Variants in CERS3 observed in about 807,000 individuals in gnomAD.
CERS3 encodes LAG1 homolog, ceramide synthase 3.
A neutral mutation model predicts 50.3 loss-of-function variants in CERS3; 33 were observed. The ratio of observed to expected loss-of-function variants is 0.66; its 90% CI spans 0.50 to 0.88. CERS3 has a LOEUF of 0.88. Ranked by LOEUF, CERS3 falls within the 40% of genes least tolerant of loss-of-function variation. The pLI is 0.00. For missense variants in CERS3, 470 were observed against 460.3 expected, an observed-to-expected ratio of 1.02 and a Z score of -0.19; for synonymous variants, 176 against 155.2, an observed-to-expected ratio of 1.13 and a Z score of -0.99.
rs2033740723 is a variant in CERS3, at chr15:100,442,816, GCCA to G, written c.999+13074_999+13076del. On this transcript the variant is annotated intron_variant, in intron 11 of 11. Transcript: ENST00000679737. ...CCTAGACCATCACGGACGCCGAGCT[GCCA>G]GTAACTCTCACAGTGGAAGGTAAGC... Among the ~76,000 whole-genome samples the G allele has an allele frequency of 3.3e-5, 5 of 150,628 alleles. No individual in the cohort carries two copies. In the East Asian group the frequency reaches 8.0e-4, roughly 24 times the overall value.
chr15:100,509,480 CA>C (rs2036276663), intron 2 of CERS3, among the ~76,000 whole-genome samples: 1 of 152,172 alleles, frequency 6.6e-6, no homozygotes, highest in Non-Finnish European at 1.5e-5. Context: ...ACTATCTCTA[CA>C]GAACAGAAGG....
chr15:100,468,794 A>G (rs576994503), intron 10 of CERS3, among the ~76,000 whole-genome samples: 2 of 152,326 alleles, frequency 1.3e-5, no homozygotes, highest in African/African-American at 4.8e-5. Flanking sequence ...TGGCTAAACA[A>G]AATCAACAGA....
chr15:100,413,956 C>A lies in CERS3; in HGVS notation c.1000-11091G>T, dbSNP rs541709633. Among the ~76,000 whole-genome samples, 9 of 152,088 alleles carry A rather than the reference C, an allele frequency of 5.9e-5. No individual in the cohort carries two copies. In the South Asian group the frequency reaches 1.2e-3, roughly 21 times the overall value. On this transcript the variant is annotated intron_variant, in intron 11 of 11. Coordinates refer to ENST00000679737, the MANE Select transcript of CERS3 (RefSeq NM_001378789.1). ...TTGAAATAGTAATAGTAATAAAACA[C>A]CTGCCAACCAGAAAAATACCTGGAA...
At chr15:100,489,497 C>T (rs190465271) in intron 4 of CERS3, among the ~76,000 whole-genome samples, 1 of 152,182 alleles carries the variant, frequency 6.6e-6, no homozygotes, top group East Asian at 1.9e-4. Flanking sequence ...TGACTAGAAG[C>T]TCTTAGCAAT....
chr15:100,425,110 C>G (rs1244449643), intron 11 of CERS3, among the ~76,000 whole-genome samples: 5 of 152,200 alleles, frequency 3.3e-5, no homozygotes, highest in African/African-American at 7.2e-5. Context: ...GCCTAGACAT[C>G]CAGGCAGAAA....
intron 11 of CERS3, among the ~76,000 whole-genome samples, chr15:100,447,522 T>C (rs1479293471): frequency 6.6e-6 from 1 of 152,216 alleles, no homozygotes; most frequent in Non-Finnish European, 1.5e-5. Context: ...GGGCCACTGG[T>C]CATTCGTATT....
rs1027924459 is a variant in CERS3, at chr15:100,418,399, T to C, written c.1000-15534A>G. On this transcript the variant is annotated intron_variant, in intron 11 of 11. Transcript: ENST00000679737. ...TTAGAGAAAAAAGAATAAAAAGAAA[T>C]GAGCAAAGCCTCCAAGAAATATGGG... 4.3e-3 allele frequency among the ~76,000 whole-genome samples: 639 copies of C among 150,264 alleles called. 5 individuals are homozygous for C. The highest frequency in any genetic ancestry group is 0.014 in the African/African-American group (583 of 40,938).
chr15:100,533,024 C>A (rs11247220), upstream of CERS3, among the ~76,000 whole-genome samples: 72,936 of 151,768 alleles, frequency 0.48, 17,800 homozygotes, highest in South Asian at 0.62. Flanking sequence ...TTCCCTTCCC[C>A]GCTCCACTCC....
intron 4 of CERS3, among the ~76,000 whole-genome samples, chr15:100,487,212 G>C (rs1252174580): frequency 1.3e-5 from 2 of 152,222 alleles, no homozygotes; most frequent in Non-Finnish European, 2.9e-5. Flanking sequence ...GAAACAAAGT[G>C]ACAATTCCCT....
At chr15:100,466,086 G>C (rs1182311672) in intron 10 of CERS3, among the ~76,000 whole-genome samples, 1 of 152,200 alleles carries the variant, frequency 6.6e-6, no homozygotes, top group Non-Finnish European at 1.5e-5. Flanking sequence ...TAAAGATCAA[G>C]AAAATGCCAA....
At chr15:100,424,819 C>G (rs189697666) in intron 11 of CERS3, among the ~76,000 whole-genome samples, 49 of 152,236 alleles carry the variant, frequency 3.2e-4, no homozygotes, top group Non-Finnish European at 5.4e-4. Context: ...AAAGAAAAAC[C>G]CACTTTCTGG....
intron 11 of CERS3, among the ~76,000 whole-genome samples, chr15:100,433,053 G>A (rs1022828435): frequency 1.3e-5 from 2 of 152,010 alleles, no homozygotes; most frequent in Admixed American, 6.6e-5. Flanking sequence ...TGGCTAACAC[G>A]GTGAAACCCC....
chr15:100,446,796 C>T (rs1317867469), intron 11 of CERS3, among the ~76,000 whole-genome samples: 1 of 152,112 alleles, frequency 6.6e-6, no homozygotes, highest in African/African-American at 2.4e-5. Context: ...CAATGTAAAC[C>T]TGAAAATCTA....
At chr15:100,415,643 G>A (rs1460394426) in intron 11 of CERS3, among the ~76,000 whole-genome samples, 2 of 152,162 alleles carry the variant, frequency 1.3e-5, no homozygotes, top group African/African-American at 4.8e-5. Context: ...CCTTTGTAGG[G>A]AATGGATGAA....
chr15:100,445,401 T>C (rs1042121467), intron 11 of CERS3, among the ~76,000 whole-genome samples: 20 of 152,162 alleles, frequency 1.3e-4, no homozygotes, highest in Admixed American at 7.9e-4. Context: ...TTAAAGTAAA[T>C]AAATAATTTT....
intron 8 of CERS3, among the ~76,000 whole-genome samples, chr15:100,473,369 T>C (rs933968032): frequency 1.3e-5 from 2 of 152,154 alleles, no homozygotes; most frequent in Non-Finnish European, 2.9e-5. Flanking sequence ...GTTTAGCCCC[T>C]GCCTATTCCC....
intron 3 of CERS3, among the ~76,000 whole-genome samples, chr15:100,501,473 A>G (rs986428422): frequency 2.0e-5 from 3 of 152,184 alleles, no homozygotes; most frequent in Admixed American, 6.5e-5. Context: ...AGTGGGATCC[A>G]TGTTTCTAAT....
At chr15:100,492,591 G>A (rs2035686677) in intron 3 of CERS3, among the ~76,000 whole-genome samples, 1 of 152,110 alleles carries the variant, frequency 6.6e-6, no homozygotes, top group Non-Finnish European at 1.5e-5. Flanking sequence ...ACCTATTTGT[G>A]TCTTTAAACA....
intron 2 of CERS3, 36 bp from the exon 3 acceptor site, chr15:100,501,886 C>A (rs1567666551): frequency 6.3e-7 from 1 of 1,599,970 alleles, no homozygotes; most frequent in African/African-American, 1.3e-5. Flanking sequence ...GCTTGTAAAA[C>A]AAACACGTAA....
Sources: gnomAD v4.1 joint callset for allele counts (sites outside exome capture counted in the v4.1 genomes callset) on GRCh38, gnomAD v4.1.1 for gene constraint, MANE v1.5 for transcripts, NCBI Gene and HGNC (gene_info 2026-07-23, HGNC 2026-07-21) for gene names.